TAMM41: variants seen among roughly 807,000 people sequenced by gnomAD.
TAMM41 encodes TAM41 mitochondrial translocator assembly and maintenance homolog.
Under a neutral mutation model 44.1 loss-of-function variants are expected in TAMM41, and 36 were observed. The ratio of observed to expected loss-of-function variants is 0.82; its 90% CI spans 0.63 to 1.08. The LOEUF (loss-of-function observed/expected upper bound fraction) is 1.08. Ranked by LOEUF, TAMM41 falls within the 50% of genes least tolerant of loss-of-function variation. TAMM41 has a pLI of 0.00. For missense variants in TAMM41, 417 were observed against 404.3 expected (o/e 1.03, Z -0.27); for synonymous variants, 164 against 153.1 (o/e 1.07, Z -0.53).
chr3:11,810,253 C>T (rs1268427216), intron 5 of TAMM41, among the ~76,000 whole-genome samples: 2 of 152,164 alleles, frequency 1.3e-5, no homozygotes, highest in Non-Finnish European at 2.9e-5. Context: ...ACTCAAAAAA[C>T]AATAAGGAAA....
chr3:11,732,177 A>C, the TAMM41 span, among the ~76,000 whole-genome samples: 1 of 151,644 alleles, frequency 6.6e-6, no homozygotes, highest in Non-Finnish European at 1.5e-5. Context: ...CATTAGGGCA[A>C]TTCTTCTTCC....
intron 7 of TAMM41, among the ~76,000 whole-genome samples, chr3:11,794,148 ATTTTTT>A (rs746651341): frequency 8.9e-6 from 1 of 112,106 alleles, no homozygotes; most frequent in Non-Finnish European, 2.0e-5. Flanking sequence ...ACTTTCTTCA[ATTTTTT>A]TTTTTTTTTT....
chr3:11,753,886 G>A, the TAMM41 span, among the ~76,000 whole-genome samples: 273 of 152,258 alleles, frequency 1.8e-3, 1 homozygote, highest in Middle Eastern at 6.8e-3. Context: ...CGAGGAGGCC[G>A]ATGACAAGAT....
At chr3:11,723,599 AAAC>A in the TAMM41 span, among the ~76,000 whole-genome samples, 1 of 151,710 alleles carries the variant, frequency 6.6e-6, no homozygotes, top group African/African-American at 2.4e-5. Flanking sequence ...AAAAAAACAA[AAAC>A]AAAAAAAAAA....
chr3:11,817,341 G>A lies in TAMM41; in HGVS notation c.563-4C>T, dbSNP rs763680183. ...CCAACCACCATCCGAAAGTCACCTA[G>A]TTAAAACAAAGAGATAAACACATCT... On this transcript the variant is annotated splice_region_variant and splice_polypyrimidine_tract_variant and intron_variant, in intron 4 of 7. Coordinates refer to ENST00000455809, the MANE Select transcript of TAMM41 (RefSeq NM_001284401.2). 1 of 1,604,128 alleles carries A rather than the reference G, an allele frequency of 6.2e-7. No homozygotes were observed. The highest frequency in any genetic ancestry group is 8.5e-7 in the Non-Finnish European group (1 of 1,172,004).
chr3:11,837,022 T>G (rs547810131), intron 3 of TAMM41, among the ~76,000 whole-genome samples: 1 of 152,328 alleles, frequency 6.6e-6, no homozygotes, highest in South Asian at 2.1e-4. Flanking sequence ...AATTTGTCCA[T>G]GTGTATACCT....
At chr3:11,753,958 T>C in the TAMM41 span, among the ~76,000 whole-genome samples, 1 of 152,072 alleles carries the variant, frequency 6.6e-6, no homozygotes, top group South Asian at 2.1e-4. Flanking sequence ...CCAGATTCAT[T>C]CTCAGTGCAA....
At chr3:11,804,654 T>C (rs770677853) in intron 7 of TAMM41, among the ~76,000 whole-genome samples, 5 of 152,070 alleles carry the variant, frequency 3.3e-5, no homozygotes, top group Non-Finnish European at 5.9e-5. Flanking sequence ...TCATGCAAAA[T>C]TCAGATTAAC....
chr3:11,845,056 T>G (rs1472075980), intron 1 of TAMM41: 1 of 451,926 alleles, frequency 2.2e-6, no homozygotes, highest in Non-Finnish European at 4.4e-6. Flanking sequence ...GCTCTGTGGA[T>G]ATGGGAGCCA....
chr3:11,758,536 G>C, the TAMM41 span, among the ~76,000 whole-genome samples: 3 of 151,964 alleles, frequency 2.0e-5, no homozygotes, highest in Non-Finnish European at 4.4e-5. Context: ...ATTTTTAGTA[G>C]AGACAGGGTT....
intron 5 of TAMM41, among the ~76,000 whole-genome samples, chr3:11,811,978 A>T (rs2078101209): frequency 6.6e-6 from 1 of 152,258 alleles, no homozygotes; most frequent in Non-Finnish European, 1.5e-5. Flanking sequence ...CCCAGGCTGG[A>T]GTGCAGTGGC....
rs75206481 is a variant in TAMM41, at chr3:11,828,849, G to A, written c.562+865C>T. Among the ~76,000 whole-genome samples the A allele has an allele frequency of 7.5e-3, 1,143 of 152,288 alleles. 6 individuals are homozygous for A. The highest frequency in any genetic ancestry group is 0.026 in the African/African-American group (1,090 of 41,554). On this transcript the variant is annotated intron_variant, in intron 4 of 7. Coordinates refer to ENST00000455809, the MANE Select transcript of TAMM41 (RefSeq NM_001284401.2). Reference sequence around the variant, plus strand: ...TACCTGTCTGTACTGGGATTTGGAGGCTAAGTAAACTGCTTTTCCAATGTT... The same window carrying A: ...TACCTGTCTGTACTGGGATTTGGAGACTAAGTAAACTGCTTTTCCAATGTT...
At chr3:11,738,392 A>G in the TAMM41 span, among the ~76,000 whole-genome samples, 1 of 152,156 alleles carries the variant, frequency 6.6e-6, no homozygotes, top group South Asian at 2.1e-4. Flanking sequence ...ATCTTTTAGG[A>G]AAGTTGTATT....
chr3:11,743,043 G>A, the TAMM41 span, among the ~76,000 whole-genome samples: 937 of 152,214 alleles, frequency 6.2e-3, 10 homozygotes, highest in African/African-American at 0.022. Flanking sequence ...ACACAGCCAC[G>A]CAAGATTTTA....
chr3:11,747,881 A>T, the TAMM41 span, among the ~76,000 whole-genome samples: 24,051 of 133,274 alleles, frequency 0.18, 2,272 homozygotes, highest in African/African-American at 0.27. Context: ...TTATTTATTT[A>T]TTTTTTTTTT....
chr3:11,723,612 A>T, the TAMM41 span, among the ~76,000 whole-genome samples: 1 of 151,768 alleles, frequency 6.6e-6, no homozygotes, highest in South Asian at 2.1e-4. Context: ...CAAAAAAAAA[A>T]CTTAAGTGAT....
chr3:11,723,943 T>C, the TAMM41 span, among the ~76,000 whole-genome samples: 1 of 151,714 alleles, frequency 6.6e-6, no homozygotes, highest in Admixed American at 6.6e-5. Context: ...GAGTTGATCG[T>C]TGTTGAAGCT....
At chr3:11,794,227 T>C (rs1308513972) in intron 7 of TAMM41, among the ~76,000 whole-genome samples, 1 of 151,942 alleles carries the variant, frequency 6.6e-6, no homozygotes, top group Non-Finnish European at 1.5e-5. Context: ...GCCTCGATCT[T>C]CTGGGCTCAA....
chr3:11,787,956 A>G (rs1340709466), downstream of TAMM41, among the ~76,000 whole-genome samples: 1 of 152,236 alleles, frequency 6.6e-6, no homozygotes, highest in Non-Finnish European at 1.5e-5. Flanking sequence ...AGATTGAGGA[A>G]AAGGAAGAAT....
Sources: allele counts gnomAD v4.1 joint callset (sites outside exome capture counted in the v4.1 genomes callset), GRCh38; gene constraint gnomAD v4.1.1; transcripts MANE v1.5; gene names NCBI Gene and HGNC (gene_info 2026-07-23, HGNC 2026-07-21).